RYR2: variants seen among roughly 807,000 people sequenced by gnomAD.
The protein encoded by RYR2 is cardiac muscle ryanodine receptor-calcium release channel.
A neutral mutation model predicts 601.1 loss-of-function variants in RYR2; 227 were observed. That is an observed-to-expected ratio of 0.38 (90% CI 0.34 to 0.42). RYR2 has a LOEUF of 0.42. Among genes scored for constraint, RYR2 ranks in the 10% least tolerant of loss-of-function variants. The probability of loss-of-function intolerance (pLI) is 1.00; values close to 1 mark genes in which losing one functional copy is unlikely to be tolerated. For synonymous variants in RYR2, 2,223 were observed against 2,175.1 expected, an observed-to-expected ratio of 1.02 and a Z score of -0.61; for missense variants, 4,646 against 6,156.5, an observed-to-expected ratio of 0.75 and a Z score of 8.21.
intron 10 of RYR2, among the ~76,000 whole-genome samples, chr1:237,405,454 G>A (rs1703765652): frequency 6.6e-6 from 1 of 152,200 alleles, no homozygotes; most frequent in African/African-American, 2.4e-5. Flanking sequence ...TTACTGTCAA[G>A]TCTAATCCAC....
chr1:237,729,006 C>T (rs905630729), intron 76 of RYR2, among the ~76,000 whole-genome samples: 2 of 151,878 alleles, frequency 1.3e-5, no homozygotes, highest in Non-Finnish European at 2.9e-5. Flanking sequence ...TTTTTGGTTA[C>T]TCCTATACTG....
intron 1 of RYR2, among the ~76,000 whole-genome samples, chr1:237,137,122 GTTTAC>G (rs901516942): frequency 1.3e-4 from 20 of 151,184 alleles, no homozygotes; most frequent in African/African-American, 4.9e-4. Flanking sequence ...CTTTGCAAAA[GTTTAC>G]TTTACTTCAT....
At chr1:237,406,432 T>C (rs1346749770) in intron 10 of RYR2, among the ~76,000 whole-genome samples, 1 of 151,730 alleles carries the variant, frequency 6.6e-6, no homozygotes, top group Admixed American at 6.6e-5. Flanking sequence ...TAAATACAAT[T>C]ATATTTCTAT....
Position 237,628,057 on chromosome 1 carries a change from G to T in RYR2, c.6417G>T (p.Glu2139Asp). ...LLSVRMGKEE[E>D]KLMIRGLGDI... Reference sequence around the variant, plus strand: ...GTGTGAGAATGGGCAAAGAAGAAGAGAAGCTCATGATTCGTGGATTAGGGT... The same window carrying T: ...GTGTGAGAATGGGCAAAGAAGAAGATAAGCTCATGATTCGTGGATTAGGGT... The change falls in exon 41 of 105, where the codon GAG (glutamate) becomes GAT (aspartate). Residue 2139 changes from glutamate to aspartate, a missense_variant. Glu to Asp is a conservative substitution (Grantham distance 45, BLOSUM62 2). Around this residue, in one of 17 missense-constraint regions of RYR2, gnomAD observed 137 missense variants for 273.6 expected, o/e 0.50. Coordinates refer to ENST00000366574, the MANE Select transcript of RYR2 (RefSeq NM_001035.3). The T allele has an allele frequency of 6.2e-7, 1 of 1,613,854 alleles. No homozygotes were observed. Among genetic ancestry groups the T allele is most frequent in the Non-Finnish European group, 8.5e-7 (1 of 1,179,872 alleles).
chr1:237,182,372 G>A (rs988029346), intron 1 of RYR2, among the ~76,000 whole-genome samples: 8 of 151,716 alleles, frequency 5.3e-5, no homozygotes, highest in Non-Finnish European at 8.8e-5. Context: ...CACCTGCCTC[G>A]GCCTCCCAAA....
rs753647560 is a variant in RYR2, at chr1:237,251,058, GTGTGTA to G, written c.49-19436_49-19431del. Among the ~76,000 whole-genome samples, 1,389 of 139,410 alleles carry G rather than the reference GTGTGTA, an allele frequency of 1.0e-2. 7 individuals carry two copies. The highest frequency in any genetic ancestry group is 0.021 in the East Asian group (96 of 4,482). The allele number at this position is 139,410 out of a possible 152,430, so 91.5% of individuals were successfully genotyped here. On this transcript the variant is annotated intron_variant, in intron 1 of 104. Coordinates refer to ENST00000366574, the MANE Select transcript of RYR2 (RefSeq NM_001035.3). Reference sequence around the variant, plus strand: ...TGTGTGTGTGTGTGTGTGTGTGTGTGTGTGTATGCATATAGATACATTGTCTCTCCC... The same window carrying G: ...TGTGTGTGTGTGTGTGTGTGTGTGTGTGCATATAGATACATTGTCTCTCCC...
At chr1:237,681,723 T>A (rs1294254668) in intron 62 of RYR2, among the ~76,000 whole-genome samples, 1 of 152,192 alleles carries the variant, frequency 6.6e-6, no homozygotes, top group Non-Finnish European at 1.5e-5. Flanking sequence ...CACTTGAACA[T>A]GGCCTTCCTT....
chr1:237,697,409 A>G (rs1687570570), intron 63 of RYR2, among the ~76,000 whole-genome samples: 1 of 142,502 alleles, frequency 7.0e-6, no homozygotes, highest in Non-Finnish European at 1.5e-5. Flanking sequence ...TATATATTAT[A>G]TAATTATATC....
intron 1 of RYR2, among the ~76,000 whole-genome samples, chr1:237,214,026 T>C (rs1467693919): frequency 6.8e-6 from 1 of 146,026 alleles, no homozygotes; most frequent in Non-Finnish European, 1.5e-5. Flanking sequence ...GTTTAAGCGA[T>C]CCTCGTGCCT....
At chr1:237,674,636 T>C (rs371230451) in intron 59 of RYR2, 95 bp from the exon 60 acceptor site, 5 of 594,888 alleles carry the variant, frequency 8.4e-6, no homozygotes, top group South Asian at 2.5e-5. Context: ...AACATATATG[T>C]ATGTATATAC....
At chr1:237,506,156 A>C (rs1403534241) in intron 22 of RYR2, among the ~76,000 whole-genome samples, 2 of 114,210 alleles carry the variant, frequency 1.8e-5, no homozygotes, top group Admixed American at 9.2e-5. Context: ...GTCCCCACCA[A>C]CACTCCTTTT....
intron 29 of RYR2, among the ~76,000 whole-genome samples, chr1:237,588,098 A>T (rs1674733897): frequency 6.6e-6 from 1 of 152,290 alleles, no homozygotes; most frequent in African/African-American, 2.4e-5. Flanking sequence ...TCTTGACTAT[A>T]GCTTTAAGAG....
chr1:237,486,256 A>C (rs1662354873), intron 17 of RYR2, among the ~76,000 whole-genome samples: 1 of 152,210 alleles, frequency 6.6e-6, no homozygotes, highest in African/African-American at 2.4e-5. Context: ...AATGTCCAGA[A>C]GATAATTAGG....
intron 9 of RYR2, 25 bp from the exon 10 acceptor site, chr1:237,388,062 C>A: frequency 1.9e-6 from 3 of 1,601,698 alleles, no homozygotes; most frequent in Non-Finnish European, 2.6e-6. Context: ...ACAGTCCAGA[C>A]CTGAATGATT....
At chr1:237,805,465 C>T (rs1360825089) in intron 98 of RYR2, among the ~76,000 whole-genome samples, 1 of 150,970 alleles carries the variant, frequency 6.6e-6, no homozygotes, top group African/African-American at 2.4e-5. Context: ...CTTGTAGTCC[C>T]AGCTACTCGG....
intron 84 of RYR2, among the ~76,000 whole-genome samples, chr1:237,770,319 T>G (rs1322418845): frequency 6.6e-6 from 1 of 152,182 alleles, no homozygotes; most frequent in Non-Finnish European, 1.5e-5. Context: ...ATTTACAGCT[T>G]TCACAAAAAT....
At chr1:237,616,942 C>A (rs1256188037) in intron 37 of RYR2, among the ~76,000 whole-genome samples, 3 of 152,116 alleles carry the variant, frequency 2.0e-5, no homozygotes, top group East Asian at 1.9e-4. Context: ...TTATTCACTA[C>A]CACGAGAACA....
intron 1 of RYR2, among the ~76,000 whole-genome samples, chr1:237,145,007 G>C (rs1377229560): frequency 1.3e-5 from 2 of 151,350 alleles, no homozygotes; most frequent in East Asian, 2.0e-4. Context: ...TTTAGCTCTG[G>C]AGTTGAACAA....
intron 10 of RYR2, among the ~76,000 whole-genome samples, chr1:237,414,379 T>C (rs1704741903): frequency 6.6e-6 from 1 of 152,158 alleles, no homozygotes; most frequent in South Asian, 2.1e-4. Context: ...ACCATCAACA[T>C]CACCTGGGAA....
Sources: allele counts gnomAD v4.1 joint callset (sites outside exome capture counted in the v4.1 genomes callset), GRCh38; gene constraint gnomAD v4.1.1; regional missense constraint gnomAD v4.1.1; transcripts MANE v1.5; gene names NCBI Gene and HGNC (gene_info 2026-07-23, HGNC 2026-07-21).